The following ANKRD45 variants were observed in gnomAD, a reference collection of about 807,000 sequenced individuals.
ANKRD45 encodes the protein ankyrin repeat domain 45.
Under a neutral mutation model 28.1 loss-of-function variants are expected in ANKRD45, and 21 were observed. The ratio of observed to expected loss-of-function variants is 0.75; its 90% confidence interval spans 0.53 to 1.08. The LOEUF (loss-of-function observed/expected upper bound fraction) is 1.08. Among genes scored for constraint, ANKRD45 ranks in the 50% least tolerant of loss-of-function variants. The pLI is 0.00. For missense variants in ANKRD45, 261 were observed against 308.7 expected (o/e 0.85, Z 1.16); for synonymous variants, 86 against 103.9 (o/e 0.83, Z 1.05).
intron 5 of ANKRD45, chr1:173,612,743 G>A (rs1029271790): frequency 1.2e-4 from 19 of 157,582 alleles, no homozygotes; most frequent in South Asian, 9.5e-4. Flanking sequence ...GGCGCGCGCC[G>A]CCACGCCTGA....
intron 3 of ANKRD45, among the ~76,000 whole-genome samples, chr1:173,630,684 G>A (rs957847790): frequency 3.3e-5 from 5 of 151,822 alleles, no homozygotes; most frequent in Non-Finnish European, 5.9e-5. Context: ...AGCTGGCGTC[G>A]TGGTGCATGC....
At chr1:173,669,506 G>T in intron 1 of ANKRD45, 1 of 456,034 alleles carries the variant, frequency 2.2e-6, no homozygotes. Flanking sequence ...CTGAGGAACA[G>T]GATACAGAAA....
the ANKRD45 span, among the ~76,000 whole-genome samples, chr1:173,709,700 C>T: frequency 6.6e-6 from 1 of 151,982 alleles, no homozygotes; most frequent in Non-Finnish European, 1.5e-5. Context: ...GGCACAATCA[C>T]AGCTCACTGC....
chr1:173,707,879 C>T, the ANKRD45 span, among the ~76,000 whole-genome samples: 7 of 152,256 alleles, frequency 4.6e-5, no homozygotes, highest in Admixed American at 1.3e-4. Flanking sequence ...CAATTTCTTA[C>T]GTTTCCATAG....
At chr1:173,686,185 C>G in the ANKRD45 span, among the ~76,000 whole-genome samples, 2 of 152,130 alleles carry the variant, frequency 1.3e-5, no homozygotes, top group Non-Finnish European at 2.9e-5. Flanking sequence ...CTTGGCAAAT[C>G]CCTACAGGGC....
At chr1:173,712,360 T>C in the ANKRD45 span, among the ~76,000 whole-genome samples, 1 of 152,354 alleles carries the variant, frequency 6.6e-6, no homozygotes, top group Non-Finnish European at 1.5e-5. Flanking sequence ...TTTCAAGTTA[T>C]TGCTCTACTT....
rs763210657 is a variant in ANKRD45, at chr1:173,659,339, GCTT to G, written c.77_79del (p.Glu26del). The G allele has an allele frequency of 5.6e-6, 9 of 1,612,118 alleles. No individual in the cohort carries two copies. The highest frequency in any genetic ancestry group is 3.4e-5 in the Admixed American group (2 of 59,562). ...AGGGCCTGTTTCCTCTGGTTCTTGG[GCTT>G]CTTCTTCTTCATTTTCCTCTTCTTG... is the stretch of plus-strand genomic sequence containing the variant. On this transcript the variant is annotated inframe_deletion, in exon 2 of 6. Transcript: ENST00000333279.
the ANKRD45 span, among the ~76,000 whole-genome samples, chr1:173,698,156 A>G: frequency 1.4e-4 from 22 of 152,338 alleles, no homozygotes; most frequent in South Asian, 2.1e-4. Context: ...AGGAGCACCC[A>G]GATTCATAAA....
At chr1:173,714,847 C>G in the ANKRD45 span, 4 of 152,230 alleles carry the variant, frequency 2.6e-5, no homozygotes, top group Non-Finnish European at 5.9e-5. Flanking sequence ...GCAAAGGGCA[C>G]GACTACTTCC....
the ANKRD45 span, among the ~76,000 whole-genome samples, chr1:173,686,167 A>G: frequency 2.0e-5 from 3 of 152,356 alleles, no homozygotes; most frequent in East Asian, 1.9e-4. Flanking sequence ...GTAGGGAGCC[A>G]TCTTTGACTT....
intron 3 of ANKRD45, among the ~76,000 whole-genome samples, chr1:173,638,719 A>G (rs761983693): frequency 7.2e-5 from 11 of 152,220 alleles, no homozygotes; most frequent in Non-Finnish European, 1.5e-5. Context: ...TTAAATCAAA[A>G]AGCAGGAAGG....
At chr1:173,683,758 C>T in the ANKRD45 span, among the ~76,000 whole-genome samples, 30 of 152,166 alleles carry the variant, frequency 2.0e-4, no homozygotes, top group Non-Finnish European at 8.8e-5. Flanking sequence ...CCTGATGACA[C>T]GTGCCCAGGG....
intron 3 of ANKRD45, among the ~76,000 whole-genome samples, chr1:173,644,917 C>T (rs1160857071): frequency 2.0e-5 from 3 of 151,256 alleles, no homozygotes; most frequent in East Asian, 1.9e-4. Context: ...CACTTGAACC[C>T]GGGAGGCATA....
intron 3 of ANKRD45, among the ~76,000 whole-genome samples, chr1:173,632,538 A>AC (rs1177163691): frequency 6.6e-6 from 1 of 151,738 alleles, no homozygotes; most frequent in Non-Finnish European, 1.5e-5. Context: ...CAAAAAAAAA[A>AC]AAAACAAAAC....
At chr1:173,691,426 C>A in the ANKRD45 span, among the ~76,000 whole-genome samples, 1 of 152,190 alleles carries the variant, frequency 6.6e-6, no homozygotes, top group Non-Finnish European at 1.5e-5. Flanking sequence ...TATAAAGTTT[C>A]AGTGCTGCAA....
chr1:173,636,419 C>A lies in ANKRD45; in HGVS notation c.497-9260G>T, dbSNP rs548241789. ...AAAAGCTCTTTGATCAAAAAACAAA[C>A]AAAACCTCATTGACCTTCAGAAGAA... On this transcript the variant is annotated intron_variant, in intron 3 of 5. Coordinates refer to ENST00000333279, the MANE Select transcript of ANKRD45 (RefSeq NM_198493.3). 2.1e-3 allele frequency among the ~76,000 whole-genome samples: 319 copies of A among 152,250 alleles called. 3 individuals are homozygous for A. The highest frequency in any genetic ancestry group is 3.7e-3 in the Non-Finnish European group (251 of 67,948).
intron 2 of ANKRD45, among the ~76,000 whole-genome samples, chr1:173,649,654 T>A (rs1669092950): frequency 6.6e-6 from 1 of 152,158 alleles, no homozygotes; most frequent in African/African-American, 2.4e-5. Context: ...AAAATTTAGG[T>A]AGATAGACAG....
chr1:173,663,719 A>G (rs1389884385), intron 1 of ANKRD45, among the ~76,000 whole-genome samples: 1 of 152,210 alleles, frequency 6.6e-6, no homozygotes, highest in Admixed American at 6.5e-5. Context: ...GCCTGAAAGG[A>G]TAATTTAGAC....
intron 1 of ANKRD45, among the ~76,000 whole-genome samples, chr1:173,662,092 A>G (rs1209477151): frequency 6.6e-6 from 1 of 152,082 alleles, no homozygotes; most frequent in Admixed American, 6.6e-5. Flanking sequence ...TAACGACTCA[A>G]CTCTGCAGTT....
Sources: allele counts gnomAD v4.1 joint callset (sites outside exome capture counted in the v4.1 genomes callset), GRCh38; gene constraint gnomAD v4.1.1; transcripts MANE v1.5; gene names NCBI Gene and HGNC (gene_info 2026-07-23, HGNC 2026-07-21).